Variants in PRKG1 observed in about 807,000 individuals in gnomAD.
PRKG1 encodes cGMP-dependent protein kinase 1.
In PRKG1, 35 loss-of-function variants were observed where a neutral mutation model predicts 88.1. That is an observed-to-expected ratio of 0.40 (90% CI 0.30 to 0.53). PRKG1 has a LOEUF of 0.53. Among genes scored for constraint, PRKG1 ranks in the 20% least tolerant of loss-of-function variants. PRKG1 has a pLI of 0.59. For missense variants in PRKG1, 540 were observed against 839.8 expected, an observed-to-expected ratio of 0.64 and a Z score of 4.41; for synonymous variants, 303 against 292.5, an observed-to-expected ratio of 1.04 and a Z score of -0.37.
In PRKG1 at chr10:51,394,357, A is replaced by C. The variant is rs190309801; in HGVS notation, c.479-73366A>C. On this transcript the variant is annotated intron_variant, in intron 2 of 17. Coordinates refer to ENST00000373980, the MANE Select transcript of PRKG1 (RefSeq NM_006258.4). Reference sequence around the variant, plus strand: ...CCTCTAGTTGTGATGTGGATTTTGCACAGCGTGGCAACTGGGTTCCAAGAA... The same window carrying C: ...CCTCTAGTTGTGATGTGGATTTTGCCCAGCGTGGCAACTGGGTTCCAAGAA... Among the ~76,000 whole-genome samples the C allele has an allele frequency of 5.3e-5, 8 of 152,340 alleles. No individual in the cohort carries two copies. In the East Asian group the frequency reaches 1.5e-3, roughly 29 times the overall value.
intron 2 of PRKG1, among the ~76,000 whole-genome samples, chr10:51,232,620 A>G (rs886097521): frequency 6.6e-6 from 1 of 152,190 alleles, no homozygotes; most frequent in African/African-American, 2.4e-5. Flanking sequence ...GTTCTTTGAG[A>G]GAAAAGACCT....
intron 3 of PRKG1, among the ~76,000 whole-genome samples, chr10:51,711,956 C>T (rs896738064): frequency 6.6e-6 from 1 of 152,112 alleles, no homozygotes; most frequent in Non-Finnish European, 1.5e-5. Context: ...ATATTTTCCT[C>T]ACCCATTCTG....
At chr10:51,360,773 G>A (rs1343403784) in intron 2 of PRKG1, among the ~76,000 whole-genome samples, 1 of 151,870 alleles carries the variant, frequency 6.6e-6, no homozygotes, top group Non-Finnish European at 1.5e-5. Context: ...GTAGGTGGTT[G>A]AGCCATCCAC....
At chr10:51,480,411 G>C in intron 3 of PRKG1, among the ~76,000 whole-genome samples, 1 of 152,144 alleles carries the variant, frequency 6.6e-6, no homozygotes, top group Admixed American at 6.5e-5. Flanking sequence ...CTCCTCAAGA[G>C]TGTAATTTAA....
At chr10:51,335,601 G>C (rs183918547) in intron 2 of PRKG1, among the ~76,000 whole-genome samples, 1 of 151,824 alleles carries the variant, frequency 6.6e-6, no homozygotes. Context: ...GCACGATGTC[G>C]GCTTACTGCA....
intron 2 of PRKG1, among the ~76,000 whole-genome samples, chr10:51,222,833 C>T (rs1430369380): frequency 2.0e-5 from 3 of 151,874 alleles, no homozygotes; most frequent in African/African-American, 7.3e-5. Flanking sequence ...GCAGTTTTTT[C>T]CAGGTGTATG....
intron 5 of PRKG1, among the ~76,000 whole-genome samples, chr10:51,997,621 A>G (rs1564744752): frequency 1.3e-5 from 2 of 152,182 alleles, no homozygotes; most frequent in Admixed American, 1.3e-4. Context: ...AATAATACAT[A>G]CATTAGTTAG....
chr10:51,816,537 ATGTGTGTG>A (rs35430934), intron 4 of PRKG1, among the ~76,000 whole-genome samples: 162 of 146,042 alleles, frequency 1.1e-3, no homozygotes, highest in Admixed American at 1.8e-3. Context: ...TAATTTTGGC[ATGTGTGTG>A]TGTGTGTGTG....
At chr10:51,692,342 A>T (rs1841166616) in intron 3 of PRKG1, among the ~76,000 whole-genome samples, 1 of 152,024 alleles carries the variant, frequency 6.6e-6, no homozygotes, top group Non-Finnish European at 1.5e-5. Flanking sequence ...TCCTGGGTTC[A>T]TGCCATTCTC....
chr10:51,716,787 G>T (rs1402838303), intron 3 of PRKG1, among the ~76,000 whole-genome samples: 1 of 152,128 alleles, frequency 6.6e-6, no homozygotes, highest in Non-Finnish European at 1.5e-5. Flanking sequence ...CTGCCTGCTG[G>T]GTTCAAGCTC....
At chr10:52,093,509 A>C (rs1174043391) in intron 7 of PRKG1, among the ~76,000 whole-genome samples, 1 of 147,706 alleles carries the variant, frequency 6.8e-6, no homozygotes, top group Non-Finnish European at 1.5e-5. Context: ...AAGCCTCAAA[A>C]ACAAAATCAA....
At chr10:51,196,710 G>C (rs556780059) in intron 2 of PRKG1, among the ~76,000 whole-genome samples, 2 of 152,138 alleles carry the variant, frequency 1.3e-5, no homozygotes, top group Non-Finnish European at 2.9e-5. Flanking sequence ...TTCAGGTGTG[G>C]ATAGGTGTGA....
At chr10:52,285,467 T>C (rs1370514615) in intron 14 of PRKG1, among the ~76,000 whole-genome samples, 1 of 152,114 alleles carries the variant, frequency 6.6e-6, no homozygotes, top group Non-Finnish European at 1.5e-5. Context: ...ATAGTGACTA[T>C]GGCAGAATGA....
Position 50,991,192 on chromosome 10 carries a change from A to T in PRKG1, c.-187A>T. Reference sequence around the variant, plus strand: ...CCTCGGTGCTTTTAGTCCATTCAGCAGAAGCGGATCGAAGCAGGAGGCTCC... The same window carrying T: ...CCTCGGTGCTTTTAGTCCATTCAGCTGAAGCGGATCGAAGCAGGAGGCTCC... On this transcript the variant is annotated 5_prime_UTR_variant, in exon 1 of 18. Transcript: ENST00000401604. The surrounding 1 kb of genome is among the most constrained non-coding windows in gnomAD (Gnocchi z 4.5). The T allele has an allele frequency of 1.3e-6, 1 of 772,542 alleles. No homozygotes were observed. The highest frequency in any genetic ancestry group is 2.0e-6 in the Non-Finnish European group (1 of 511,392). The allele number at this position is 772,542 out of a possible 1,614,324, so 47.9% of individuals were successfully genotyped here.
intron 9 of PRKG1, among the ~76,000 whole-genome samples, chr10:52,184,484 ATAGGCTTGTTTTATAAGCC>A (rs1363659656): frequency 1.3e-5 from 2 of 152,208 alleles, no homozygotes; most frequent in Non-Finnish European, 2.9e-5. Context: ...TAATCTATTC[ATAGGCTTGTTTTATAAGCC>A]TAGGCCTTTT....
chr10:51,254,099 A>G (rs1385876803), intron 2 of PRKG1, among the ~76,000 whole-genome samples: 2 of 151,970 alleles, frequency 1.3e-5, no homozygotes, highest in African/African-American at 4.8e-5. Flanking sequence ...ATACACACAT[A>G]CACACACACT....
intron 5 of PRKG1, among the ~76,000 whole-genome samples, chr10:51,959,951 C>T (rs1205840473): frequency 6.6e-6 from 1 of 151,946 alleles, no homozygotes; most frequent in African/African-American, 2.4e-5. Flanking sequence ...TTGAAGATAT[C>T]AAAATTATGC....
At chr10:52,231,945 T>G (rs925107738) in intron 9 of PRKG1, among the ~76,000 whole-genome samples, 7 of 152,190 alleles carry the variant, frequency 4.6e-5, no homozygotes. Flanking sequence ...GGAAAAAAGT[T>G]AACAGTGCAA....
At chr10:51,206,999 T>G (rs527314229) in intron 2 of PRKG1, among the ~76,000 whole-genome samples, 3 of 152,346 alleles carry the variant, frequency 2.0e-5, no homozygotes, top group African/African-American at 7.2e-5. Context: ...AATTGTAGTT[T>G]GCAGTTTTTG....
Sources: allele counts gnomAD v4.1 joint callset (sites outside exome capture counted in the v4.1 genomes callset), GRCh38; gene constraint gnomAD v4.1.1; non-coding constraint Gnocchi (gnomAD v3.1); transcripts MANE v1.5; gene names NCBI Gene and HGNC (gene_info 2026-07-23, HGNC 2026-07-21).